The following SGCZ variants were observed in gnomAD, a reference collection of about 807,000 sequenced individuals.
SGCZ encodes sarcoglycan zeta, also known as zeta-sarcoglycan.
SGCZ carries 40 observed loss-of-function variants against 41.3 expected under a neutral mutation model. That is an observed-to-expected ratio of 0.97 (90% CI 0.75 to 1.26). The LOEUF is 1.26. SGCZ is among the 50% of genes most tolerant of loss of function. The pLI, the probability that SGCZ is intolerant of heterozygous loss-of-function variation, is 0.00. For synonymous variants in SGCZ, 206 were observed against 137.5 expected (o/e 1.50, Z -3.49); for missense variants, 552 against 369.8 (o/e 1.49, Z -4.04).
intron 2 of SGCZ, among the ~76,000 whole-genome samples, chr8:14,472,223 T>A (rs183298236): frequency 6.6e-6 from 1 of 152,250 alleles, no homozygotes; most frequent in African/African-American, 2.4e-5. Flanking sequence ...GTAATCTTTT[T>A]GAAATGATGG....
chr8:14,544,439 A>G (rs758981564), intron 2 of SGCZ, among the ~76,000 whole-genome samples: 3 of 152,120 alleles, frequency 2.0e-5, no homozygotes, highest in Non-Finnish European at 4.4e-5. Context: ...GGGTCGGGGA[A>G]AAACAGCCGT....
At chr8:14,105,756 G>A (rs2220205) in intron 6 of SGCZ, among the ~76,000 whole-genome samples, 135,202 of 152,038 alleles carry the variant, frequency 0.89, 61,556 homozygotes, top group East Asian at 1. Flanking sequence ...TACACTAGAT[G>A]TAATATCATT....
chr8:14,771,416 C>T (rs1160670262), intron 1 of SGCZ, among the ~76,000 whole-genome samples: 2 of 152,042 alleles, frequency 1.3e-5, no homozygotes, highest in Non-Finnish European at 2.9e-5. Context: ...TGGCTAAAAA[C>T]ATCTCCCTTA....
intron 1 of SGCZ, among the ~76,000 whole-genome samples, chr8:14,649,978 G>C (rs56126103): frequency 0.032 from 4,900 of 152,128 alleles, 138 homozygotes; most frequent in Middle Eastern, 0.078. Flanking sequence ...TGATCTGTCA[G>C]AGATCAGAAG....
intron 5 of SGCZ, among the ~76,000 whole-genome samples, chr8:14,131,839 C>A (rs773157424): frequency 6.6e-6 from 1 of 152,136 alleles, no homozygotes; most frequent in Non-Finnish European, 1.5e-5. Context: ...CTGTGTGCAA[C>A]TGCCTACAGT....
At chr8:15,165,521 G>A (rs1245696004) in intron 1 of SGCZ, among the ~76,000 whole-genome samples, 2 of 152,122 alleles carry the variant, frequency 1.3e-5, no homozygotes, top group East Asian at 1.9e-4. Context: ...ATGGCCTGGG[G>A]ACATATGGAA....
chr8:15,095,118 G>A (rs1806294205), intron 1 of SGCZ, among the ~76,000 whole-genome samples: 1 of 152,044 alleles, frequency 6.6e-6, no homozygotes, highest in Admixed American at 6.6e-5. Flanking sequence ...TTTTTTGTGA[G>A]ATGGAGATTC....
chr8:14,349,963 A>C (rs1313667141), intron 2 of SGCZ, among the ~76,000 whole-genome samples: 1 of 152,188 alleles, frequency 6.6e-6, no homozygotes, highest in African/African-American at 2.4e-5. Flanking sequence ...TTAATCTAGC[A>C]ATTTCCAAAT....
chr8:15,101,192 G>A (rs1402411814), intron 1 of SGCZ, among the ~76,000 whole-genome samples: 1 of 152,108 alleles, frequency 6.6e-6, no homozygotes, highest in Non-Finnish European at 1.5e-5. Context: ...TGAGATTGGG[G>A]ATAACTTTTG....
At chr8:14,272,652 G>T (rs1009462076) in intron 3 of SGCZ, among the ~76,000 whole-genome samples, 15 of 152,092 alleles carry the variant, frequency 9.9e-5, no homozygotes, top group Non-Finnish European at 5.9e-5. Context: ...CTGGTGTGTA[G>T]AATAAATTAT....
At chr8:14,948,758 C>T (rs1421837824) in intron 1 of SGCZ, among the ~76,000 whole-genome samples, 1 of 152,100 alleles carries the variant, frequency 6.6e-6, no homozygotes, top group Admixed American at 6.6e-5. Context: ...GAACTCTTTC[C>T]TATTCTGACT....
In SGCZ at chr8:14,407,776, G is replaced by T. The variant is rs557128067; in HGVS notation, c.235-83572C>A. Among the ~76,000 whole-genome samples, 6 of 152,080 alleles carry T rather than the reference G, an allele frequency of 3.9e-5. No individual in the cohort carries two copies. The East Asian group carries it at 9.6e-4, about 24-fold the overall frequency. ...AGCTGGTGCATTTTTTCCTATGCATGTATTTCCCTAGGTCAAGCAGAGACT... is the reference window on the plus strand; with the variant it reads ...AGCTGGTGCATTTTTTCCTATGCATTTATTTCCCTAGGTCAAGCAGAGACT... On this transcript the variant is annotated intron_variant, in intron 2 of 7. Coordinates refer to ENST00000382080, the MANE Select transcript of SGCZ (RefSeq NM_139167.4).
At chr8:14,545,022 A>C (rs1426132879) in intron 2 of SGCZ, among the ~76,000 whole-genome samples, 1 of 152,146 alleles carries the variant, frequency 6.6e-6, no homozygotes, top group East Asian at 1.9e-4. Flanking sequence ...AACTCAGGCG[A>C]GCATCAAGTC....
intron 1 of SGCZ, among the ~76,000 whole-genome samples, chr8:14,964,947 T>C (rs1276604765): frequency 6.6e-6 from 1 of 152,140 alleles, no homozygotes; most frequent in East Asian, 1.9e-4. Flanking sequence ...GCCACTCAAC[T>C]CGCTTGTGGG....
chr8:14,300,231 C>G (rs1339792098), intron 3 of SGCZ, among the ~76,000 whole-genome samples: 2 of 150,340 alleles, frequency 1.3e-5, no homozygotes, highest in African/African-American at 2.5e-5. Flanking sequence ...GAACAAAATT[C>G]TACAGCTAAA....
chr8:14,802,488 A>G (rs1394075284), intron 1 of SGCZ, among the ~76,000 whole-genome samples: 5 of 152,314 alleles, frequency 3.3e-5, no homozygotes, highest in Non-Finnish European at 7.3e-5. Flanking sequence ...CCCATGGAGG[A>G]ACCATTTTAT....
chr8:15,031,523 G>A (rs998351960), intron 1 of SGCZ, among the ~76,000 whole-genome samples: 1 of 152,126 alleles, frequency 6.6e-6, no homozygotes, highest in African/African-American at 2.4e-5. Flanking sequence ...GACTTTACAT[G>A]TATTAATTCA....
At chr8:14,801,968 C>G (rs1038346859) in intron 1 of SGCZ, among the ~76,000 whole-genome samples, 1 of 152,148 alleles carries the variant, frequency 6.6e-6, no homozygotes, top group African/African-American at 2.4e-5. Context: ...GGGATGTTTT[C>G]TAGCAAAGCT....
At chr8:15,174,206 G>A (rs1302434048) in intron 1 of SGCZ, among the ~76,000 whole-genome samples, 1 of 152,158 alleles carries the variant, frequency 6.6e-6, no homozygotes, top group Non-Finnish European at 1.5e-5. Flanking sequence ...TAGGACTAGC[G>A]AAACTCACCA....
Sources: gnomAD v4.1 joint callset for allele counts (sites outside exome capture counted in the v4.1 genomes callset) on GRCh38, gnomAD v4.1.1 for gene constraint, MANE v1.5 for transcripts, NCBI Gene and HGNC (gene_info 2026-07-23, HGNC 2026-07-21) for gene names.